The following PTPRD variants were observed in gnomAD, a reference collection of about 807,000 sequenced individuals.
The protein encoded by PTPRD is protein tyrosine phosphatase receptor type D.
Under a neutral mutation model 214.5 loss-of-function variants are expected in PTPRD, and 34 were observed. That is an observed-to-expected ratio of 0.16 (90% confidence interval 0.12 to 0.21). PTPRD has a LOEUF of 0.21. Among genes scored for constraint, PTPRD ranks in the 10% least tolerant of loss-of-function variants. The pLI, the probability that PTPRD is intolerant of heterozygous loss-of-function variation, is 1.00. For synonymous variants in PTPRD, 1,128 were observed against 845.7 expected (o/e 1.33, Z -5.79); for missense variants, 2,545 against 2,398.7 (o/e 1.06, Z -1.27).
chr9:8,944,915 C>T (rs10977384), intron 11 of PTPRD, among the ~76,000 whole-genome samples: 20,709 of 151,696 alleles, frequency 0.14, 1,564 homozygotes, highest in South Asian at 0.23. Flanking sequence ...TTGGAATGTT[C>T]GTAACACAAA....
At chr9:10,271,531 T>C (rs1005534672) in intron 3 of PTPRD, among the ~76,000 whole-genome samples, 1 of 89,462 alleles carries the variant, frequency 1.1e-5, no homozygotes, top group African/African-American at 3.0e-5. Flanking sequence ...AATTCAATTG[T>C]TTCTTTTCTT....
intron 6 of PTPRD, among the ~76,000 whole-genome samples, chr9:9,757,111 T>C (rs749387098): frequency 6.6e-6 from 1 of 152,212 alleles, no homozygotes; most frequent in Admixed American, 6.6e-5. Context: ...ATTCAGGCCC[T>C]ATAACAAAGA....
At chr9:10,510,758 T>C (rs187123335) in intron 2 of PTPRD, among the ~76,000 whole-genome samples, 2 of 152,250 alleles carry the variant, frequency 1.3e-5, no homozygotes, top group Non-Finnish European at 1.5e-5. Context: ...TAGAGTAAAT[T>C]ATTGTTAACT....
At chr9:8,693,134 T>C (rs1010822620) in intron 12 of PTPRD, among the ~76,000 whole-genome samples, 2 of 152,222 alleles carry the variant, frequency 1.3e-5, no homozygotes, top group Non-Finnish European at 2.9e-5. Flanking sequence ...TCGTGTCCTT[T>C]GCACCTGAAG....
In PTPRD at chr9:8,317,201, TTACAGATAACAGTTC is replaced by T. The variant is rs1822529682; in HGVS notation, c.*658_*672del. On this transcript the variant is annotated 3_prime_UTR_variant, in exon 46 of 46. Transcript: ENST00000381196. ...GATTTGATATTTCTACAGCAAGATA[TTACAGATAACAGTTC>T]TACAGCTTAAAAAAACCTACGATTT... The T allele has an allele frequency of 4.3e-6, 1 of 231,946 alleles. No individual in the cohort carries two copies. 14.4% of individuals were successfully genotyped at this position (231,946 alleles called of 1,614,324 possible).
intron 9 of PTPRD, among the ~76,000 whole-genome samples, chr9:9,352,481 A>G (rs1168414473): frequency 6.6e-6 from 1 of 151,684 alleles, no homozygotes; most frequent in East Asian, 1.9e-4. Flanking sequence ...TTACAACAAA[A>G]TCTGCCTCAT....
chr9:9,952,607 A>G (rs2093557303), intron 4 of PTPRD, among the ~76,000 whole-genome samples: 1 of 152,154 alleles, frequency 6.6e-6, no homozygotes, highest in Non-Finnish European at 1.5e-5. Flanking sequence ...TTTACTGAGG[A>G]AGACCAGCGC....
intron 2 of PTPRD, among the ~76,000 whole-genome samples, chr9:10,482,688 A>G (rs763780009): frequency 1.2e-4 from 19 of 152,180 alleles, no homozygotes; most frequent in Non-Finnish European, 2.5e-4. Flanking sequence ...GATGAGAATC[A>G]AACCAAGAAC....
chr9:9,266,251 T>C (rs1055448667), intron 9 of PTPRD, among the ~76,000 whole-genome samples: 3 of 151,406 alleles, frequency 2.0e-5, no homozygotes, highest in African/African-American at 7.3e-5. Context: ...AGTACCTACA[T>C]ATATAAAGCA....
chr9:10,426,685 C>T (rs1388222384), intron 2 of PTPRD, among the ~76,000 whole-genome samples: 1 of 152,066 alleles, frequency 6.6e-6, no homozygotes, highest in Non-Finnish European at 1.5e-5. Context: ...GCCAACTTCT[C>T]GGATGCTAAC....
At chr9:9,761,482 G>A (rs1165916323) in intron 6 of PTPRD, among the ~76,000 whole-genome samples, 1 of 152,004 alleles carries the variant, frequency 6.6e-6, no homozygotes, top group Non-Finnish European at 1.5e-5. Context: ...TTGACTGTGG[G>A]GTAGGATACT....
intron 12 of PTPRD, among the ~76,000 whole-genome samples, chr9:8,702,425 T>A (rs557428346): frequency 2.0e-5 from 3 of 152,166 alleles, no homozygotes; most frequent in African/African-American, 7.2e-5. Flanking sequence ...AAACATTTAC[T>A]GATTACCTAC....
intron 7 of PTPRD, among the ~76,000 whole-genome samples, chr9:9,723,093 T>C (rs1340973325): frequency 6.6e-6 from 1 of 152,098 alleles, no homozygotes; most frequent in African/African-American, 2.4e-5. Context: ...AGAACCACTG[T>C]GTAACACAAG....
intron 9 of PTPRD, among the ~76,000 whole-genome samples, chr9:9,296,439 G>A (rs1006839383): frequency 1.3e-5 from 2 of 151,620 alleles, no homozygotes; most frequent in Admixed American, 6.6e-5. Context: ...AAATAATTGA[G>A]TTGACCATAT....
At chr9:9,796,952 T>C (rs1166834527) in intron 5 of PTPRD, among the ~76,000 whole-genome samples, 1 of 152,144 alleles carries the variant, frequency 6.6e-6, no homozygotes, top group Non-Finnish European at 1.5e-5. Flanking sequence ...TGAATAGTAA[T>C]ATTTAAAAGG....
At chr9:9,495,096 A>G (rs1296737869) in intron 8 of PTPRD, among the ~76,000 whole-genome samples, 1 of 152,166 alleles carries the variant, frequency 6.6e-6, no homozygotes, top group African/African-American at 2.4e-5. Context: ...TGGTACTGGG[A>G]AGACTAGATA....
intron 9 of PTPRD, among the ~76,000 whole-genome samples, chr9:9,395,628 T>C (rs1378939608): frequency 6.6e-6 from 1 of 152,064 alleles, no homozygotes; most frequent in Non-Finnish European, 1.5e-5. Flanking sequence ...CTTGCACCAA[T>C]TTCCTCTTGA....
chr9:8,796,213 A>C (rs2096416548), intron 11 of PTPRD, among the ~76,000 whole-genome samples: 1 of 152,204 alleles, frequency 6.6e-6, no homozygotes, highest in Admixed American at 6.5e-5. Flanking sequence ...TTAGAGATGA[A>C]CTGCCCCAAT....
In PTPRD at chr9:8,488,698, T is replaced by C. The variant is rs534312121; in HGVS notation, c.2468-2349A>G. 3.8e-4 allele frequency among the ~76,000 whole-genome samples: 58 copies of C among 152,352 alleles called. No homozygotes were observed. In the South Asian group the frequency reaches 5.2e-3, roughly 14 times the overall value. On this transcript the variant is annotated intron_variant, in intron 27 of 45. Transcript: ENST00000381196. ...AAAATAGTACTTTAATGTAGGGACA[T>C]TGGCAGACATCTTTAATTCCCCTTT...
Sources: allele counts gnomAD v4.1 joint callset (sites outside exome capture counted in the v4.1 genomes callset), GRCh38; gene constraint gnomAD v4.1.1; transcripts MANE v1.5; gene names NCBI Gene and HGNC (gene_info 2026-07-23, HGNC 2026-07-21).